Variants in STEAP2 observed in about 807,000 individuals in gnomAD.
STEAP2 encodes the protein STEAP2 metalloreductase.
In STEAP2, 30 loss-of-function variants were observed where a neutral mutation model predicts 46.4. That is an observed-to-expected ratio of 0.65 (90% CI 0.48 to 0.88). The LOEUF (loss-of-function observed/expected upper bound fraction) is 0.88. Ranked by LOEUF, STEAP2 falls within the 40% of genes least tolerant of loss-of-function variation. STEAP2 has a pLI of 0.00. For missense variants in STEAP2, 513 were observed against 579.3 expected (o/e 0.89, Z 1.18); for synonymous variants, 180 against 200.5 (o/e 0.90, Z 0.86).
chr7:90,236,664 T>C lies in STEAP2; in HGVS notation c.*4040T>C, dbSNP rs1795969847. 3 of 1,268,438 alleles carry C rather than the reference T, an allele frequency of 2.4e-6. No individual in the cohort carries two copies. Among genetic ancestry groups the C allele is most frequent in the Non-Finnish European group, 3.0e-6 (3 of 1,008,218 alleles). 78.6% of individuals were successfully genotyped at this position (1,268,438 alleles called of 1,614,324 possible). ...TATACAGTGCTTAATTTTCAGAGATTCTTTCCATATGTTACTAAAAAATGT... is the reference window on the plus strand; with the variant it reads ...TATACAGTGCTTAATTTTCAGAGATCCTTTCCATATGTTACTAAAAAATGT... On this transcript the variant is annotated 3_prime_UTR_variant, in exon 6 of 6. Transcript: ENST00000394621.
chr7:90,234,222 G>A lies in STEAP2; in HGVS notation c.*1598G>A, dbSNP rs1408636812. The A allele has an allele frequency of 4.1e-6, 4 of 985,224 alleles. No individual in the cohort carries two copies. The highest frequency in any genetic ancestry group is 1.7e-5 in the African/African-American group (1 of 57,220). The allele number at this position is 985,224 out of a possible 1,614,324, so 61.0% of individuals were successfully genotyped here. On this transcript the variant is annotated 3_prime_UTR_variant, in exon 6 of 6. Transcript: ENST00000394621. Reference sequence around the variant, plus strand: ...TACAGATTATTCATAAAATTTTTCAGTGCTGTCCTTCCACATTTAATTGCA... The same window carrying A: ...TACAGATTATTCATAAAATTTTTCAATGCTGTCCTTCCACATTTAATTGCA...
In STEAP2 at chr7:90,233,678, A is replaced by G. The variant is rs2048337856; in HGVS notation, c.*1054A>G. On this transcript the variant is annotated 3_prime_UTR_variant, in exon 6 of 6. Coordinates refer to ENST00000394621, the MANE Select transcript of STEAP2 (RefSeq NM_001244944.2). ...CGAAGGATAGAAAAGTTATTTTTCA[A>G]AGGTCTTGCAGTTAATAAATGGCAG... 4 of 920,212 alleles carry G rather than the reference A, an allele frequency of 4.3e-6. No individual in the cohort carries two copies. In the African/African-American group the frequency reaches 7.2e-5, roughly 16 times the overall value. The allele number at this position is 920,212 out of a possible 1,614,324, so 57.0% of individuals were successfully genotyped here. A position where few individuals can be genotyped will look rare whatever the true frequency, so the allele number is the denominator to read the frequency against.
chr7:90,242,873 C>CA (rs1156715907), downstream of STEAP2, among the ~76,000 whole-genome samples: 2 of 152,034 alleles, frequency 1.3e-5, no homozygotes, highest in African/African-American at 4.8e-5. Context: ...GAAAGAAAAA[C>CA]AAAAAGAATG....
At chr7:90,228,417 C>CT (rs978090297) in intron 4 of STEAP2, among the ~76,000 whole-genome samples, 2 of 147,876 alleles carry the variant, frequency 1.4e-5, no homozygotes, top group Non-Finnish European at 3.0e-5. Context: ...AAAAAAACTT[C>CT]TCTTAATGGG....
At chr7:90,221,059 G>T (rs897081634) in intron 2 of STEAP2, among the ~76,000 whole-genome samples, 1 of 152,236 alleles carries the variant, frequency 6.6e-6, no homozygotes, top group African/African-American at 2.4e-5. Context: ...CATTCCTAGA[G>T]AATGTCTATG....
At chr7:90,238,124 A>G, downstream of STEAP2, 1 of 708,506 alleles carries the variant, frequency 1.4e-6, no homozygotes, top group Admixed American at 2.0e-5. Flanking sequence ...CTGTTGTCCT[A>G]AAGAGTTTCT....
chr7:90,231,421 G>A (rs965706361), intron 5 of STEAP2, among the ~76,000 whole-genome samples: 6 of 151,542 alleles, frequency 4.0e-5, no homozygotes, highest in African/African-American at 1.5e-4. Flanking sequence ...TAACAGTGAT[G>A]TGTTACCTAA....
At chr7:90,242,060 AGTAAAACAAATACC>A (rs1328080956), downstream of STEAP2, among the ~76,000 whole-genome samples, 3 of 151,568 alleles carry the variant, frequency 2.0e-5, no homozygotes, top group African/African-American at 7.3e-5. Context: ...CCTGTCCATG[AGTAAAACAAATACC>A]GTTAGAGCTA....
Position 90,237,145 on chromosome 7 carries a change from A to C in STEAP2, c.*4521A>C. The stretch of plus-strand genomic sequence containing the variant: ...CCCTGGCAGCTGTCTCCAGAGGATC[A>C]AAGCCACACCCAAAGAGTAAGGCAG... On this transcript the variant is annotated 3_prime_UTR_variant, in exon 6 of 6. Transcript: ENST00000394621. The C allele has an allele frequency of 1.8e-6, 1 of 554,372 alleles. No individual in the cohort carries two copies. The highest frequency in any genetic ancestry group is 3.1e-6 in the Non-Finnish European group (1 of 323,932). The allele number at this position is 554,372 out of a possible 1,614,324, so 34.3% of individuals were successfully genotyped here. A position where few individuals can be genotyped will look rare whatever the true frequency, so the allele number is the denominator to read the frequency against.
Position 90,234,878 on chromosome 7 carries a change from CCTCT to C in STEAP2, c.*2255_*2258del. The C allele has an allele frequency of 1.2e-5, 12 of 985,024 alleles. No individual in the cohort carries two copies. Among genetic ancestry groups the C allele is most frequent in the Non-Finnish European group, 1.3e-5 (11 of 829,790 alleles). The allele number at this position is 985,024 out of a possible 1,614,324, so 61.0% of individuals were successfully genotyped here. ...ATTATCTTGTACTTTCTAACTGAGC[CCTCT>C]ATTTTCTTTATTTTAATAATATTTC... On this transcript the variant is annotated 3_prime_UTR_variant, in exon 6 of 6. Coordinates refer to ENST00000394621, the MANE Select transcript of STEAP2 (RefSeq NM_001244944.2).
At chr7:90,238,038 G>T (rs1190724949), downstream of STEAP2, 3 of 715,554 alleles carry the variant, frequency 4.2e-6, no homozygotes, top group South Asian at 3.0e-5. Flanking sequence ...TTATCATCCC[G>T]CATCCATGCA....
chr7:90,214,733 T>C (rs1024896643), intron 1 of STEAP2, among the ~76,000 whole-genome samples: 3 of 151,954 alleles, frequency 2.0e-5, no homozygotes, highest in Non-Finnish European at 2.9e-5. Flanking sequence ...ATTAGAGAGG[T>C]AGAGGTCAAC....
intron 2 of STEAP2, among the ~76,000 whole-genome samples, chr7:90,218,767 G>A (rs911209561): frequency 1.3e-5 from 2 of 151,936 alleles, no homozygotes; most frequent in Non-Finnish European, 2.9e-5. Flanking sequence ...ATATTTTTTG[G>A]TTCTATATGA....
downstream of STEAP2, among the ~76,000 whole-genome samples, chr7:90,240,415 AAATT>A (rs1430508744): frequency 2.0e-5 from 3 of 152,224 alleles, no homozygotes; most frequent in African/African-American, 7.2e-5. This position sits in a 1 kb window ranked among gnomAD's most constrained non-coding sequence, Gnocchi z 4.1. Flanking sequence ...TATTTAAAAT[AAATT>A]ACTCTAATTC....
chr7:90,227,435 C>T lies in STEAP2; in HGVS notation c.957C>T (p.Tyr319=), dbSNP rs1795548537. The T allele has an allele frequency of 5.0e-6, 8 of 1,606,980 alleles. No homozygotes were observed. The East Asian group carries it at 1.6e-4, about 31-fold the overall frequency. The part of the protein sequence containing the change: ...SFFFAMVHVA[Y]SLCLPMRRSE... ...TCTTCGCTATGGTCCATGTTGCCTA[C>T]AGCCTCTGCTTACCGATGAGAAGGT... Residue 319 remains tyrosine (Y), a synonymous_variant, in exon 4 of 6, where the codon TAC becomes TAT. Transcript: ENST00000394621.
At chr7:90,230,516 G>T (rs75374840) in intron 5 of STEAP2, among the ~76,000 whole-genome samples, 2,051 of 151,902 alleles carry the variant, frequency 0.014, 51 homozygotes, top group African/African-American at 0.047. Flanking sequence ...ACAAGCAGTG[G>T]CAAACTAGGT....
chr7:90,242,632 T>C (rs1229470506), downstream of STEAP2, among the ~76,000 whole-genome samples: 1 of 152,242 alleles, frequency 6.6e-6, no homozygotes, highest in East Asian at 1.9e-4. Context: ...CAGTCTCCTT[T>C]CGATGTGGTT....
At position 90,236,173 on chromosome 7, in the gene STEAP2, A is replaced by G; in HGVS notation, c.*3549A>G. 1.4e-6 allele frequency: 1 copy of G among 724,228 alleles called. No individual in the cohort carries two copies. Among genetic ancestry groups the G allele is most frequent in the African/African-American group, 1.9e-5 (1 of 51,792 alleles). 44.9% of individuals were successfully genotyped at this position (724,228 alleles called of 1,614,324 possible). The stretch of plus-strand genomic sequence containing the variant: ...TTGCCATTAAGCTATTTCATAATAA[A>G]TTCTGTACAGTTTCCCCCCAAAAAA... On this transcript the variant is annotated 3_prime_UTR_variant, in exon 6 of 6. Coordinates refer to ENST00000394621, the MANE Select transcript of STEAP2 (RefSeq NM_001244944.2).
chr7:90,228,305 A>C lies in STEAP2; in HGVS notation c.1020+807A>C, dbSNP rs555851426. Reference sequence around the variant, plus strand: ...GTAAGGATCGAAGGCATCATAGTCCAAGTATGTGGCATCTAGTACTTAAGC... The same window carrying C: ...GTAAGGATCGAAGGCATCATAGTCCCAGTATGTGGCATCTAGTACTTAAGC... On this transcript the variant is annotated intron_variant, in intron 4 of 5. Transcript: ENST00000394621. Among the ~76,000 whole-genome samples the C allele has an allele frequency of 7.2e-5, 11 of 152,290 alleles. No homozygotes were observed. In the East Asian group the frequency reaches 1.9e-3, roughly 27 times the overall value.
Sources: gnomAD v4.1 joint callset for allele counts (sites outside exome capture counted in the v4.1 genomes callset) on GRCh38, gnomAD v4.1.1 for gene constraint, Gnocchi (gnomAD v3.1) non-coding constraint, MANE v1.5 for transcripts, NCBI Gene and HGNC (gene_info 2026-07-23, HGNC 2026-07-21) for gene names.